The following NBEA variants were observed in gnomAD, a reference collection of about 807,000 sequenced individuals.
The protein encoded by NBEA is lysosomal-trafficking regulator 2.
Under a neutral mutation model 343.4 loss-of-function variants are expected in NBEA, and 44 were observed. That is an observed-to-expected ratio of 0.13 (90% CI 0.10 to 0.16). The LOEUF is 0.16. Ranked by LOEUF, NBEA falls within the 10% of genes least tolerant of loss-of-function variation. NBEA has a pLI of 1.00. For synonymous variants in NBEA, 1,175 were observed against 1,238.7 expected, an observed-to-expected ratio of 0.95 and a Z score of 1.08; for missense variants, 2,555 against 3,631.3, an observed-to-expected ratio of 0.70 and a Z score of 7.62.
intron 48 of NBEA, among the ~76,000 whole-genome samples, chr13:35,617,367 A>C (rs925000251): frequency 6.6e-6 from 1 of 152,246 alleles, no homozygotes; most frequent in African/African-American, 2.4e-5. Context: ...ACCTGGAAGC[A>C]GTGCCGGGTG....
chr13:35,436,962 T>G (rs1349958765), intron 39 of NBEA, among the ~76,000 whole-genome samples: 1 of 152,138 alleles, frequency 6.6e-6, no homozygotes, highest in African/African-American at 2.4e-5. Flanking sequence ...GAAAGAAAAT[T>G]TTTACATGAC....
intron 6 of NBEA, among the ~76,000 whole-genome samples, chr13:35,055,795 G>C (rs2063234418): frequency 6.6e-6 from 1 of 152,018 alleles, no homozygotes; most frequent in Non-Finnish European, 1.5e-5. Context: ...AGGTCAAGGG[G>C]TTGTAGTTCT....
At chr13:35,222,902 G>A (rs1177673239) in intron 33 of NBEA, among the ~76,000 whole-genome samples, 3 of 152,148 alleles carry the variant, frequency 2.0e-5, no homozygotes, top group African/African-American at 7.2e-5. Flanking sequence ...GCTGAGGCGG[G>A]TGAATCACCT....
chr13:35,164,260 C>T (rs1593571846), intron 23 of NBEA, 96 bp from the exon 24 acceptor site: 3 of 1,032,940 alleles, frequency 2.9e-6, no homozygotes, highest in African/African-American at 1.7e-5. Context: ...ATAGCTAGCT[C>T]CTACAGTTCT....
intron 34 of NBEA, among the ~76,000 whole-genome samples, chr13:35,274,366 AAAT>A (rs1174354451): frequency 6.6e-6 from 1 of 152,184 alleles, no homozygotes; most frequent in Non-Finnish European, 1.5e-5. Context: ...ATGTATCTCA[AAAT>A]AATAAGAGCT....
intron 36 of NBEA, among the ~76,000 whole-genome samples, chr13:35,311,658 G>A (rs150493903): frequency 2.0e-5 from 3 of 151,958 alleles, no homozygotes; most frequent in Admixed American, 6.6e-5. Flanking sequence ...GTTTGAGACC[G>A]GTCTGGCTAA....
At chr13:35,319,947 T>C (rs949224093) in intron 36 of NBEA, among the ~76,000 whole-genome samples, 2 of 152,012 alleles carry the variant, frequency 1.3e-5, no homozygotes, top group African/African-American at 2.4e-5. Flanking sequence ...ATTTGCTTGG[T>C]AAATAATCCC....
At chr13:35,068,565 A>T (rs1284422509) in intron 8 of NBEA, among the ~76,000 whole-genome samples, 12 of 152,072 alleles carry the variant, frequency 7.9e-5, no homozygotes, top group Non-Finnish European at 1.8e-4. Flanking sequence ...TACCCTCCTC[A>T]TTCAAAAAAA....
intron 18 of NBEA, 71 bp downstream of exon 18, chr13:35,142,448 A>G: frequency 1.0e-6 from 1 of 1,003,996 alleles, no homozygotes; most frequent in South Asian, 1.9e-5. Context: ...TATGCAATTG[A>G]GATGAGTAGT....
intron 11 of NBEA, among the ~76,000 whole-genome samples, chr13:35,103,751 G>A (rs1465214151): frequency 6.6e-6 from 1 of 151,788 alleles, no homozygotes; most frequent in Non-Finnish European, 1.5e-5. Context: ...AAACCAAAAA[G>A]TTAATTCTTT....
intron 48 of NBEA, among the ~76,000 whole-genome samples, chr13:35,607,496 A>G (rs1184097301): frequency 6.6e-6 from 1 of 152,218 alleles, no homozygotes; most frequent in Admixed American, 6.5e-5. Flanking sequence ...TTTACAAAAC[A>G]GCCTCTCTAG....
intron 1 of NBEA, among the ~76,000 whole-genome samples, chr13:34,988,935 A>G (rs896675971): frequency 2.0e-5 from 3 of 150,966 alleles, no homozygotes; most frequent in African/African-American, 7.3e-5. Context: ...TTCCAGTAGT[A>G]TTTAATGTAA....
intron 1 of NBEA, among the ~76,000 whole-genome samples, chr13:34,990,758 G>T (rs1437980611): frequency 6.6e-6 from 1 of 152,122 alleles, no homozygotes; most frequent in Admixed American, 6.5e-5. Context: ...TCATGGTCAG[G>T]CTGCAAATTT....
intron 41 of NBEA, among the ~76,000 whole-genome samples, chr13:35,526,264 A>T (rs1185301555): frequency 2.0e-5 from 3 of 152,216 alleles, no homozygotes; most frequent in African/African-American, 4.8e-5. Context: ...AGAAAAACCA[A>T]CCAATGTCAT....
rs897246280 is a variant in NBEA at position 35,380,485 on chromosome 13, C to T, written c.6179+28162C>T. On this transcript the variant is annotated intron_variant, in intron 38 of 58. Coordinates refer to ENST00000379939, the MANE Select transcript of NBEA (RefSeq NM_001385012.1). ...AATAATAATAATAATTTGTAGTTTT[C>T]AGTGTGGAGGTGTTACAGATATTTC... 3.3e-5 allele frequency among the ~76,000 whole-genome samples: 5 copies of T among 151,996 alleles called. No individual in the cohort carries two copies. In the East Asian group the frequency reaches 9.7e-4, roughly 29 times the overall value.
At chr13:35,054,470 G>A (rs2063174268) in intron 6 of NBEA, among the ~76,000 whole-genome samples, 1 of 151,914 alleles carries the variant, frequency 6.6e-6, no homozygotes, top group Admixed American at 6.6e-5. Context: ...GAAAGACTTA[G>A]TTTCCAATAA....
intron 17 of NBEA, among the ~76,000 whole-genome samples, chr13:35,141,966 C>T (rs558214005): frequency 7.9e-5 from 12 of 152,156 alleles, no homozygotes; most frequent in Non-Finnish European, 1.5e-4. Flanking sequence ...AATAAAATAA[C>T]TTCAAAATAG....
intron 17 of NBEA, among the ~76,000 whole-genome samples, chr13:35,132,634 T>G (rs185788667): frequency 6.6e-6 from 1 of 152,268 alleles, no homozygotes; most frequent in East Asian, 1.9e-4. Flanking sequence ...TTATGCTAAG[T>G]GAAAGAAGCC....
At chr13:35,348,104 G>T (rs1352313703) in intron 36 of NBEA, among the ~76,000 whole-genome samples, 6 of 152,020 alleles carry the variant, frequency 3.9e-5, no homozygotes, top group South Asian at 2.1e-4. Context: ...TCCATTTTTT[G>T]ATGACAAAGT....
Sources: gnomAD v4.1 joint callset for allele counts (sites outside exome capture counted in the v4.1 genomes callset) on GRCh38, gnomAD v4.1.1 for gene constraint, MANE v1.5 for transcripts, NCBI Gene and HGNC (gene_info 2026-07-23, HGNC 2026-07-21) for gene names.